The following PIK3C2A variants were observed in gnomAD, a reference collection of about 807,000 sequenced individuals.
The protein encoded by PIK3C2A is phosphatidylinositol-4-phosphate 3-kinase catalytic subunit type 2 alpha.
A neutral mutation model predicts 204.5 loss-of-function variants in PIK3C2A; 97 were observed. The observed-to-expected ratio is 0.47, with a 90% CI of 0.40 to 0.56. The LOEUF is 0.56. Among genes scored for constraint, PIK3C2A ranks in the 20% least tolerant of loss-of-function variants. The pLI is 0.00. For missense variants in PIK3C2A, 1,735 were observed against 1,969.2 expected (o/e 0.88, Z 2.25); for synonymous variants, 653 against 664.4 (o/e 0.98, Z 0.26).
At chr11:17,132,317 T>A (rs1283836740) in intron 11 of PIK3C2A, among the ~76,000 whole-genome samples, 2 of 2,672 alleles carry the variant, frequency 7.5e-4, no homozygotes, top group African/African-American at 2.3e-3. Context: ...TAACTTTAAT[T>A]TTTTTTTTTT....
intron 1 of PIK3C2A, among the ~76,000 whole-genome samples, chr11:17,179,982 C>T (rs1379728636): frequency 2.6e-5 from 4 of 152,104 alleles, no homozygotes; most frequent in Non-Finnish European, 4.4e-5. Flanking sequence ...AGCATAAAGG[C>T]CTCCTAATAT....
intron 1 of PIK3C2A, among the ~76,000 whole-genome samples, chr11:17,182,568 A>C (rs1361676475): frequency 4.4e-5 from 3 of 67,790 alleles, no homozygotes; most frequent in South Asian, 4.0e-4. Flanking sequence ...ACCCTGTCTC[A>C]AAAAAAAAAA....
intron 19 of PIK3C2A, among the ~76,000 whole-genome samples, chr11:17,116,950 T>C (rs1849214448): frequency 1.3e-5 from 2 of 152,196 alleles, no homozygotes. Context: ...AACTGATGAA[T>C]GTTTAAACCA....
chr11:17,179,471 C>T (rs1851459800), intron 1 of PIK3C2A, among the ~76,000 whole-genome samples: 1 of 151,978 alleles, frequency 6.6e-6, no homozygotes, highest in Non-Finnish European at 1.5e-5. Context: ...CAACCTACAG[C>T]CTTTAAATGA....
Position 17,089,501 on chromosome 11 carries a change from T to C in PIK3C2A, c.*237A>G, listed in dbSNP as rs1848233415. 1 of 429,940 alleles carries C rather than the reference T, an allele frequency of 2.3e-6. No individual in the cohort carries two copies. Among genetic ancestry groups the C allele is most frequent in the South Asian group, 4.2e-5 (1 of 23,708 alleles). 26.6% of individuals were successfully genotyped at this position (429,940 alleles called of 1,614,324 possible). ...ATTAAGTTTAGGGTTTGTAGCATTC[T>C]ACATAATGACTTTAAAACAGCAATG... On this transcript the variant is annotated 3_prime_UTR_variant, in exon 33 of 33. Coordinates refer to ENST00000691414, the MANE Select transcript of PIK3C2A (RefSeq NM_002645.4).
intron 1 of PIK3C2A, among the ~76,000 whole-genome samples, chr11:17,178,273 T>C (rs995436648): frequency 1.3e-5 from 2 of 152,178 alleles, no homozygotes; most frequent in Admixed American, 1.3e-4. Flanking sequence ...TTGAAATCTG[T>C]GCATATTATG....
intron 1 of PIK3C2A, among the ~76,000 whole-genome samples, chr11:17,186,217 A>G (rs7125085): frequency 0.031 from 4,679 of 152,134 alleles, 235 homozygotes; most frequent in African/African-American, 0.11. Flanking sequence ...ACACTTGTGT[A>G]AAGTCCTCCC....
At chr11:17,139,695 G>A (rs1358949499) in intron 8 of PIK3C2A, among the ~76,000 whole-genome samples, 2 of 152,074 alleles carry the variant, frequency 1.3e-5, no homozygotes, top group East Asian at 1.9e-4. Flanking sequence ...TTACATAAAC[G>A]TCCATGTGGA....
intron 1 of PIK3C2A, among the ~76,000 whole-genome samples, chr11:17,187,646 G>A (rs942528911): frequency 1.3e-5 from 2 of 152,028 alleles, no homozygotes; most frequent in Non-Finnish European, 2.9e-5. Context: ...AAGTAACAAG[G>A]GTATATTATG....
chr11:17,135,776 C>T (rs1849853261), intron 9 of PIK3C2A, among the ~76,000 whole-genome samples: 1 of 151,716 alleles, frequency 6.6e-6, no homozygotes, highest in African/African-American at 2.4e-5. Context: ...CACATCTCTA[C>T]ATACCACATG....
Position 17,101,300 on chromosome 11 carries a change from A to G in PIK3C2A, c.3986T>C (p.Leu1329Pro). ...AYNLIRKQTN[L>P]FLNLLSLMIP... ...TACCAGTGAAAGGAGGTTAAGAAAAAGGTTTGTCTGCTTTCTTATCAAGTT... is the reference window on the plus strand; with the variant it reads ...TACCAGTGAAAGGAGGTTAAGAAAAGGGTTTGTCTGCTTTCTTATCAAGTT... Residue 1329 changes from leucine to proline, a missense_variant, in exon 25 of 33, where the codon CTT becomes CCT. By Grantham distance (98) the Leu-to-Pro change is moderately conservative. Transcript: ENST00000691414. 6.5e-7 allele frequency: 1 copy of G among 1,548,740 alleles called. No homozygotes were observed. The highest frequency in any genetic ancestry group is 8.8e-7 in the Non-Finnish European group (1 of 1,134,966).
At chr11:17,138,095 C>CA in intron 8 of PIK3C2A, 1 of 713,578 alleles carries the variant, frequency 1.4e-6, no homozygotes, top group Non-Finnish European at 2.5e-6. Flanking sequence ...ATGGAATCAC[C>CA]ATAGGCCCTG....
intron 2 of PIK3C2A, among the ~76,000 whole-genome samples, chr11:17,162,840 A>G (rs1284928453): frequency 6.6e-6 from 1 of 152,212 alleles, no homozygotes; most frequent in African/African-American, 2.4e-5. Context: ...ACAACCTGAG[A>G]GCAACCATCA....
intron 8 of PIK3C2A, among the ~76,000 whole-genome samples, chr11:17,144,693 G>A (rs1337148266): frequency 6.6e-6 from 1 of 151,766 alleles, no homozygotes; most frequent in African/African-American, 2.4e-5. Context: ...TCAGGAATTC[G>A]AGACCAGCCT....
chr11:17,109,671 C>T (rs1206342432), intron 22 of PIK3C2A, among the ~76,000 whole-genome samples: 2 of 152,044 alleles, frequency 1.3e-5, no homozygotes, highest in African/African-American at 4.8e-5. Flanking sequence ...TCAAGTAATC[C>T]TCTCACCCCA....
chr11:17,127,233 C>CA (rs890580967), intron 13 of PIK3C2A, among the ~76,000 whole-genome samples: 17 of 151,848 alleles, frequency 1.1e-4, no homozygotes, highest in African/African-American at 4.1e-4. Flanking sequence ...ATGTAGAGAA[C>CA]AAAAAATCTT....
rs377045150 is a variant in PIK3C2A, at chr11:17,119,223, T to C, written c.2937A>G (p.Val979=). The change falls in exon 17 of 33, where the codon GTA becomes GTG. Residue 979 remains valine (V), a synonymous_variant. Coordinates refer to ENST00000691414, the MANE Select transcript of PIK3C2A (RefSeq NM_002645.4). ...DELTDLLPQF[V]QALKYEIYLN... ...GGTAATCTAGTAAAAAACTCACTTG[T>C]ACAAACTGTGGAAGAAGATCTGTTA... 6.4e-7 allele frequency: 1 copy of C among 1,572,670 alleles called. No individual in the cohort carries two copies. The highest frequency in any genetic ancestry group is 8.7e-7 in the Non-Finnish European group (1 of 1,144,040).
intron 28 of PIK3C2A, among the ~76,000 whole-genome samples, chr11:17,093,572 G>GT (rs976573964): frequency 6.7e-5 from 10 of 149,842 alleles, no homozygotes; most frequent in Admixed American, 2.7e-4. Flanking sequence ...CCATGCTTCA[G>GT]TTTTTTTAGC....
chr11:17,136,770 T>C (rs1849887108), intron 8 of PIK3C2A, 145 bp from the exon 9 acceptor site: 1 of 513,396 alleles, frequency 1.9e-6, no homozygotes, highest in Non-Finnish European at 3.4e-6. Flanking sequence ...ACATAGCTTT[T>C]CAATTGTATA....
Sources: allele counts gnomAD v4.1 joint callset (sites outside exome capture counted in the v4.1 genomes callset), GRCh38; gene constraint gnomAD v4.1.1; transcripts MANE v1.5; gene names NCBI Gene and HGNC (gene_info 2026-07-23, HGNC 2026-07-21).